Variants in SLC25A15 observed in about 807,000 individuals in gnomAD.
SLC25A15 encodes the protein solute carrier family 25 member 15, also known as mitochondrial ornithine transporter 1.
A neutral mutation model predicts 32.3 loss-of-function variants in SLC25A15; 24 were observed. The ratio of observed to expected loss-of-function variants is 0.74; its 90% CI spans 0.54 to 1.04. SLC25A15 has a LOEUF of 1.04. SLC25A15 is among the 50% of genes least tolerant of loss of function. The pLI, the probability that SLC25A15 is intolerant of heterozygous loss-of-function variation, is 0.00. For missense variants in SLC25A15, 317 were observed against 374.5 expected, an observed-to-expected ratio of 0.85 and a Z score of 1.27; for synonymous variants, 132 against 142.1, an observed-to-expected ratio of 0.93 and a Z score of 0.51.
At chr13:40,794,959 G>T (rs754880008) in intron 2 of SLC25A15, among the ~76,000 whole-genome samples, 2 of 152,194 alleles carry the variant, frequency 1.3e-5, no homozygotes, top group Non-Finnish European at 2.9e-5. Context: ...GCGCGTCACC[G>T]TCACCGAGCC....
chr13:40,793,952 C>A (rs1369303809), intron 2 of SLC25A15, among the ~76,000 whole-genome samples: 1 of 152,188 alleles, frequency 6.6e-6, no homozygotes, highest in Non-Finnish European at 1.5e-5. Flanking sequence ...GTCTTCAGAG[C>A]CCTTGTTGTG....
At position 40,792,527 on chromosome 13, in the gene SLC25A15, A is replaced by G. The variant is rs529865489; in HGVS notation, c.-69-631A>G. On this transcript the variant is annotated intron_variant, in intron 1 of 6. Transcript: ENST00000338625. Reference sequence around the variant, plus strand: ...TTGCGCAGGGCCTTGTTCTAAGAACACATGATGCTTGTGCACGGTGTGGCG... The same window carrying G: ...TTGCGCAGGGCCTTGTTCTAAGAACGCATGATGCTTGTGCACGGTGTGGCG... Among the ~76,000 whole-genome samples, 204 of 152,376 alleles carry G rather than the reference A, an allele frequency of 1.3e-3. 1 individual carries two copies. The highest frequency in any genetic ancestry group is 6.8e-3 in the Middle Eastern group (2 of 294).
Position 40,809,841 on chromosome 13 carries a change from A to G in SLC25A15, c.*174A>G. The stretch of plus-strand genomic sequence containing the variant: ...TATGGAAGAACCTCTATTTTGCATC[A>G]TATCATTTCTGTCCATAATTGTACT... On this transcript the variant is annotated 3_prime_UTR_variant, in exon 7 of 7. Transcript: ENST00000338625. 1.5e-6 allele frequency: 1 copy of G among 655,568 alleles called. No homozygotes were observed. The highest frequency in any genetic ancestry group is 2.7e-6 in the Non-Finnish European group (1 of 375,682). 40.6% of individuals were successfully genotyped at this position (655,568 alleles called of 1,614,324 possible).
intron 1 of SLC25A15, among the ~76,000 whole-genome samples, chr13:40,791,409 G>A (rs1362966248): frequency 6.7e-6 from 1 of 149,282 alleles, no homozygotes; most frequent in Non-Finnish European, 1.5e-5. Context: ...CCAGGCTGGA[G>A]TCCAGTGGCA....
Position 40,812,373 on chromosome 13 carries a change from C to A in SLC25A15, c.*2706C>A, listed in dbSNP as rs1882493701. ...ATTCAGAGTACAGTTTGTGCTATTTCATATCTGTACTCCAGGCAGAAATAT... is the reference window on the plus strand; with the variant it reads ...ATTCAGAGTACAGTTTGTGCTATTTAATATCTGTACTCCAGGCAGAAATAT... On this transcript the variant is annotated 3_prime_UTR_variant, in exon 7 of 7. Coordinates refer to ENST00000338625, the MANE Select transcript of SLC25A15 (RefSeq NM_014252.4). Among the ~76,000 whole-genome samples the A allele has an allele frequency of 6.6e-6, 1 of 152,102 alleles. No homozygotes were observed. Among genetic ancestry groups the A allele is most frequent in the African/African-American group, 2.4e-5 (1 of 41,402 alleles).
chr13:40,802,618 C>T (rs1396190302), intron 3 of SLC25A15, among the ~76,000 whole-genome samples: 1 of 151,776 alleles, frequency 6.6e-6, no homozygotes, highest in East Asian at 1.9e-4. Flanking sequence ...CTCTGTCGCC[C>T]AGGCTGGAGT....
In SLC25A15 at chr13:40,810,823, T is replaced by C. The variant is rs779559610; in HGVS notation, c.*1156T>C. ...GCTGCTGTGCTCTGATGAAGACCCA[T>C]GTGGCTAGCAACAGCGCTTACCTTT... On this transcript the variant is annotated 3_prime_UTR_variant, in exon 7 of 7. Coordinates refer to ENST00000338625, the MANE Select transcript of SLC25A15 (RefSeq NM_014252.4). 1.9e-6 allele frequency: 1 copy of C among 534,688 alleles called. No individual in the cohort carries two copies. The highest frequency in any genetic ancestry group is 3.8e-6 in the Non-Finnish European group (1 of 260,104). The allele number at this position is 534,688 out of a possible 1,614,324, so 33.1% of individuals were successfully genotyped here.
At chr13:40,803,530 C>T (rs1471548519) in intron 3 of SLC25A15, among the ~76,000 whole-genome samples, 1 of 152,228 alleles carries the variant, frequency 6.6e-6, no homozygotes, top group East Asian at 1.9e-4. Flanking sequence ...AGTTTCACAA[C>T]CCTGCTGGTG....
At chr13:40,805,338 G>A in intron 4 of SLC25A15, 83 bp downstream of exon 4, 2 of 1,522,688 alleles carry the variant, frequency 1.3e-6, no homozygotes, top group Non-Finnish European at 1.8e-6. Context: ...GTACTAAAGT[G>A]GCAGATGTGG....
Position 40,793,153 on chromosome 13 carries a change from C to A in SLC25A15, c.-69-5C>A. ...GACTAATGGTGAACTCTTGCCTCCC[C>A]CCAGGGATATGTGGTGCCTGTCATA... On this transcript the variant is annotated splice_region_variant and splice_polypyrimidine_tract_variant and intron_variant, in intron 1 of 6. Transcript: ENST00000338625. The A allele has an allele frequency of 2.0e-6, 3 of 1,495,522 alleles. No homozygotes were observed. The highest frequency in any genetic ancestry group is 2.8e-6 in the Non-Finnish European group (3 of 1,074,576). The allele number at this position is 1,495,522 out of a possible 1,614,324, so 92.6% of individuals were successfully genotyped here. A position where few individuals can be genotyped will look rare whatever the true frequency, so the allele number is the denominator to read the frequency against.
Position 40,810,031 on chromosome 13 carries a change from T to A in SLC25A15, c.*364T>A. The A allele has an allele frequency of 3.3e-6, 1 of 303,486 alleles. No individual in the cohort carries two copies. The highest frequency in any genetic ancestry group is 8.3e-5 in the East Asian group (1 of 11,994). The allele number at this position is 303,486 out of a possible 1,614,324, so 18.8% of individuals were successfully genotyped here. A position where few individuals can be genotyped will look rare whatever the true frequency, so the allele number is the denominator to read the frequency against. ...ATGTGTTGAGGGAAATACAGTTTGG[T>A]ACCTTGTTTATTTCAAATATCAGAA... On this transcript the variant is annotated 3_prime_UTR_variant, in exon 7 of 7. Coordinates refer to ENST00000338625, the MANE Select transcript of SLC25A15 (RefSeq NM_014252.4).
rs2138057899 is a variant in SLC25A15 at position 40,808,425 on chromosome 13, T to C, written c.623-13T>C. 1.2e-6 allele frequency: 2 copies of C among 1,612,476 alleles called. No individual in the cohort carries two copies. The highest frequency in any genetic ancestry group is 1.7e-6 in the Non-Finnish European group (2 of 1,179,780). On this transcript the variant is annotated splice_polypyrimidine_tract_variant and intron_variant, in intron 5 of 6. Coordinates refer to ENST00000338625, the MANE Select transcript of SLC25A15 (RefSeq NM_014252.4). Reference sequence around the variant, plus strand: ...TGAGACAAAATACCATTTGCTATTTTTTTTTTCTCTAGGCCCTGTACCTTT... The same window carrying C: ...TGAGACAAAATACCATTTGCTATTTCTTTTTTCTCTAGGCCCTGTACCTTT...
In SLC25A15 at chr13:40,807,289, C is replaced by G. The variant is rs748169316; in HGVS notation, c.453-5C>G. ...ACCGTGCTATCTCTCTGTGTCTCCT[C>G]CCAGTACAGTGTGGTCTGTCATCAA... On this transcript the variant is annotated splice_polypyrimidine_tract_variant and splice_region_variant and intron_variant, in intron 4 of 6. Coordinates refer to ENST00000338625, the MANE Select transcript of SLC25A15 (RefSeq NM_014252.4). 1.2e-6 allele frequency: 2 copies of G among 1,614,022 alleles called. No individual in the cohort carries two copies. Among genetic ancestry groups the G allele is most frequent in the Non-Finnish European group, 1.7e-6 (2 of 1,179,918 alleles).
chr13:40,803,640 A>G (rs1448052381), intron 3 of SLC25A15, among the ~76,000 whole-genome samples: 1 of 152,182 alleles, frequency 6.6e-6, no homozygotes, highest in Non-Finnish European at 1.5e-5. Context: ...CAGTTTAGCA[A>G]TTTCACCTAA....
chr13:40,798,279 C>CAA (rs5803069), intron 2 of SLC25A15, among the ~76,000 whole-genome samples: 50,676 of 122,596 alleles, frequency 0.41, 9,553 homozygotes, highest in East Asian at 0.55. Context: ...GACACCATCT[C>CAA]AAAAAAAAAA....
intron 2 of SLC25A15, among the ~76,000 whole-genome samples, chr13:40,795,524 GT>G (rs1488458328): frequency 6.6e-6 from 1 of 152,174 alleles, no homozygotes; most frequent in Non-Finnish European, 1.5e-5. Context: ...CTGACACACT[GT>G]CCCCATCACT....
intron 3 of SLC25A15, chr13:40,802,272 G>T (rs1002667985): frequency 6.6e-6 from 1 of 152,218 alleles, no homozygotes; most frequent in Non-Finnish European, 1.5e-5. Flanking sequence ...AACAGCATTG[G>T]ATGGTTTCCA....
chr13:40,793,372 C>T, intron 2 of SLC25A15, 91 bp downstream of exon 2: 3 of 1,126,960 alleles, frequency 2.7e-6, no homozygotes, highest in Non-Finnish European at 4.0e-6. Flanking sequence ...CATATTTTTA[C>T]TGTACCTTTT....
At chr13:40,801,734 G>A (rs1474231849) in intron 3 of SLC25A15, among the ~76,000 whole-genome samples, 4 of 152,194 alleles carry the variant, frequency 2.6e-5, no homozygotes, top group Non-Finnish European at 4.4e-5. Context: ...GAATGTTCTA[G>A]TTTGACGTTT....
Sources: allele counts gnomAD v4.1 joint callset (sites outside exome capture counted in the v4.1 genomes callset), GRCh38; gene constraint gnomAD v4.1.1; transcripts MANE v1.5; gene names NCBI Gene and HGNC (gene_info 2026-07-23, HGNC 2026-07-21).